MPP4: variants seen among roughly 807,000 people sequenced by gnomAD.
MPP4 encodes the protein MAGUK p55 scaffold protein 4.
MPP4 carries 91 observed loss-of-function variants against 98.3 expected under a neutral mutation model. The observed-to-expected ratio is 0.93, with a 90% CI of 0.78 to 1.10. MPP4 has a LOEUF of 1.10. Among genes scored for constraint, MPP4 ranks in the 50% least tolerant of loss-of-function variants. MPP4 has a pLI of 0.00. For missense variants in MPP4, 744 were observed against 792.9 expected (o/e 0.94, Z 0.74); for synonymous variants, 261 against 271.8 (o/e 0.96, Z 0.39).
intron 1 of MPP4, among the ~76,000 whole-genome samples, chr2:201,697,087 A>G (rs1171992266): frequency 2.0e-5 from 3 of 152,192 alleles, no homozygotes; most frequent in African/African-American, 7.2e-5. Context: ...AAGAGCCATC[A>G]GAGTTCATGT....
intron 18 of MPP4, chr2:201,651,448 C>T (rs183045512): frequency 1.2e-5 from 12 of 985,396 alleles, no homozygotes; most frequent in African/African-American, 1.7e-5. Flanking sequence ...GATGACTCCT[C>T]CTTTGCTTCC....
intron 18 of MPP4, among the ~76,000 whole-genome samples, chr2:201,653,736 T>C (rs1052169804): frequency 2.5e-4 from 38 of 152,184 alleles, no homozygotes; most frequent in Non-Finnish European, 3.1e-4. Flanking sequence ...TTAAAGGTTT[T>C]TTTTGAACGA....
intron 21 of MPP4, 50 bp from the exon 22 acceptor site, chr2:201,645,454 T>C (rs1417694822): frequency 3.4e-6 from 5 of 1,455,514 alleles, no homozygotes; most frequent in African/African-American, 1.4e-5. Context: ...ATTGGACAAA[T>C]GGAAAAAATA....
At chr2:201,662,370 G>A (rs1383430693) in intron 14 of MPP4, among the ~76,000 whole-genome samples, 3 of 150,492 alleles carry the variant, frequency 2.0e-5, no homozygotes, top group Non-Finnish European at 3.0e-5. Context: ...GTGTTGTGGT[G>A]CACACCTGTA....
At chr2:201,654,807 A>C in intron 18 of MPP4, 30 bp downstream of exon 18, 6 of 1,543,442 alleles carry the variant, frequency 3.9e-6, no homozygotes, top group Non-Finnish European at 5.3e-6. Context: ...ACCAAAACAC[A>C]AACCATTATG....
In MPP4 at chr2:201,668,126, A is replaced by G. The variant is rs536234638; in HGVS notation, c.1012+1607T>C. 1.4e-3 allele frequency among the ~76,000 whole-genome samples: 216 copies of G among 152,332 alleles called. 1 individual carries two copies. Among genetic ancestry groups the G allele is most frequent in the Middle Eastern group, 0.01 (3 of 294 alleles). On this transcript the variant is annotated intron_variant, in intron 12 of 21. Transcript: ENST00000409474. The stretch of plus-strand genomic sequence containing the variant: ...ATTTTTATTTTACAGAGGAAGGTAC[A>G]AAAAACCAGGCATGATTATCTAGTA...
At chr2:201,688,537 G>T (rs1000835599) in intron 4 of MPP4, among the ~76,000 whole-genome samples, 13 of 152,164 alleles carry the variant, frequency 8.5e-5, no homozygotes, top group African/African-American at 1.2e-4. Flanking sequence ...ATATATCTGG[G>T]CAAGAGCATT....
chr2:201,695,693 T>G (rs772025419), intron 1 of MPP4, among the ~76,000 whole-genome samples: 7 of 152,162 alleles, frequency 4.6e-5, no homozygotes, highest in Non-Finnish European at 7.3e-5. Context: ...ATAAATACCC[T>G]CACTCTCTTG....
Position 201,657,611 on chromosome 2 carries a change from T to TTTTTTTTTTTTTTTTTTTTTTTTC in MPP4, c.1129+865_1129+866insGAAAAAAAAAAAAAAAAAAAAAAA, listed in dbSNP as rs1687893034. The stretch of plus-strand genomic sequence containing the variant: ...CCTTGTTTTTTTTTTGTTTTTTTGT[T>TTTTTTTTTTTTTTTTTTTTTTTTC]TTTTTTTGCTTATTGTATCAATCAA... On this transcript the variant is annotated intron_variant, in intron 16 of 21. Transcript: ENST00000409474. Among the ~76,000 whole-genome samples the TTTTTTTTTTTTTTTTTTTTTTTTC allele has an allele frequency of 1.8e-5, 2 of 111,722 alleles. 1 individual carries two copies. Among genetic ancestry groups the TTTTTTTTTTTTTTTTTTTTTTTTC allele is most frequent in the African/African-American group, 7.4e-5 (2 of 27,048 alleles). 73.3% of individuals were successfully genotyped at this position (111,722 alleles called of 152,430 possible).
chr2:201,681,754 G>A (rs535687519), intron 8 of MPP4, among the ~76,000 whole-genome samples, 187 bp from the exon 9 acceptor site: 2 of 152,196 alleles, frequency 1.3e-5, no homozygotes, highest in African/African-American at 2.4e-5. Flanking sequence ...CCCTGCATCT[G>A]CCCTGCTGTG....
At chr2:201,656,537 C>A (rs750894263) in intron 16 of MPP4, among the ~76,000 whole-genome samples, 169 bp from the exon 17 acceptor site, 6 of 152,178 alleles carry the variant, frequency 3.9e-5, no homozygotes, top group African/African-American at 1.4e-4. Flanking sequence ...TATGAAAATG[C>A]CCCCTGTGCT....
intron 21 of MPP4, 41 bp from the exon 22 acceptor site, chr2:201,645,445 T>C (rs748472542): frequency 1.6e-5 from 24 of 1,507,292 alleles, no homozygotes; most frequent in Non-Finnish European, 2.0e-5. Flanking sequence ...ACAGACTTAA[T>C]TGGACAAATG....
chr2:201,650,459 G>T, intron 18 of MPP4: 2 of 985,382 alleles, frequency 2.0e-6, no homozygotes, highest in Non-Finnish European at 2.4e-6. Flanking sequence ...AAGTGCTAGT[G>T]AATTATGTGT....
intron 6 of MPP4, 123 bp downstream of exon 6, chr2:201,685,796 C>T (rs1688811838): frequency 5.4e-6 from 6 of 1,103,202 alleles, no homozygotes; most frequent in South Asian, 2.0e-5. Context: ...AGTTGACAGC[C>T]GTTATTATCA....
chr2:201,658,446 G>C (rs1344006758), intron 16 of MPP4, 31 bp downstream of exon 16: 1 of 1,597,692 alleles, frequency 6.3e-7, no homozygotes, highest in Non-Finnish European at 8.6e-7. Flanking sequence ...ACAAGTGACA[G>C]AGACCCACCT....
intron 18 of MPP4, chr2:201,650,833 C>T: frequency 1.0e-6 from 1 of 985,382 alleles, no homozygotes; most frequent in Non-Finnish European, 1.2e-6. Flanking sequence ...GAAAGATTAG[C>T]TGAGTCTAGA....
At chr2:201,684,673 C>T (rs917767624) in intron 7 of MPP4, among the ~76,000 whole-genome samples, 3 of 152,084 alleles carry the variant, frequency 2.0e-5, no homozygotes, top group African/African-American at 7.2e-5. Context: ...TTTCTCAGGA[C>T]GGGTGTGTGG....
At chr2:201,685,620 G>A (rs1197658790) in intron 6 of MPP4, among the ~76,000 whole-genome samples, 1 of 152,182 alleles carries the variant, frequency 6.6e-6, no homozygotes, top group East Asian at 1.9e-4. Context: ...TACATGCATA[G>A]GTCAGAAAGC....
At chr2:201,664,577 G>C (rs1373084187) in intron 13 of MPP4, among the ~76,000 whole-genome samples, 2 of 152,150 alleles carry the variant, frequency 1.3e-5, no homozygotes, top group Non-Finnish European at 2.9e-5. Context: ...GGCTTGATCA[G>C]GTGGCTGAGA....
Sources: allele counts gnomAD v4.1 joint callset (sites outside exome capture counted in the v4.1 genomes callset), GRCh38; gene constraint gnomAD v4.1.1; transcripts MANE v1.5; gene names NCBI Gene and HGNC (gene_info 2026-07-23, HGNC 2026-07-21).